LPA: variants seen among roughly 807,000 people sequenced by gnomAD.
The protein encoded by LPA is lipoprotein(a), also known as apolipoprotein(a).
LPA carries 199 observed loss-of-function variants against 197.9 expected under a neutral mutation model. The observed-to-expected ratio is 1.01, with a 90% CI of 0.90 to 1.13. The LOEUF (loss-of-function observed/expected upper bound fraction) is 1.13, where lower values mean the gene tolerates loss of function less well. Among genes scored for constraint, LPA ranks in the 50% most tolerant of loss-of-function variants. The probability of loss-of-function intolerance (pLI) is 0.00; values close to 1 mark genes in which losing one functional copy is unlikely to be tolerated. For synonymous variants in LPA, 715 were observed against 639.5 expected, an observed-to-expected ratio of 1.12 and a Z score of -1.78; for missense variants, 1,853 against 1,785.8, an observed-to-expected ratio of 1.04 and a Z score of -0.68.
chr6:160,559,365 T>G (rs1310721180), intron 28 of LPA, among the ~76,000 whole-genome samples: 1 of 152,254 alleles, frequency 6.6e-6, no homozygotes, highest in Non-Finnish European at 1.5e-5. Flanking sequence ...CAGTGCTGAA[T>G]AGTATTCAAG....
chr6:160,545,237 G>A (rs1388145735), intron 33 of LPA, among the ~76,000 whole-genome samples: 1 of 152,012 alleles, frequency 6.6e-6, no homozygotes, highest in Non-Finnish European at 1.5e-5. Flanking sequence ...GTGGTGGGAG[G>A]GGCGGGTGTT....
chr6:160,608,263 C>T (rs1387214115), intron 16 of LPA, among the ~76,000 whole-genome samples: 3 of 152,114 alleles, frequency 2.0e-5, no homozygotes, highest in Non-Finnish European at 2.9e-5. Flanking sequence ...CCTGCTGATT[C>T]CAAATTCTTA....
At position 160,557,600 on chromosome 6, in the gene LPA, A is replaced by G. The variant is rs779577754; in HGVS notation, c.4632-29T>C. On this transcript the variant is annotated intron_variant, in intron 28 of 38. Coordinates refer to ENST00000316300, the MANE Select transcript of LPA (RefSeq NM_005577.4). Reference sequence around the variant, plus strand: ...CAAATTCCAAAACAACACAGGTCACAAGAGGCGGGAAAAAATTCAGGGGCA... The same window carrying G: ...CAAATTCCAAAACAACACAGGTCACGAGAGGCGGGAAAAAATTCAGGGGCA... The G allele has an allele frequency of 5.6e-6, 9 of 1,611,008 alleles. 1 individual carries two copies. In the Admixed American group the frequency reaches 1.2e-4, roughly 21 times the overall value.
Position 160,601,001 on chromosome 6 carries a change from T to C in LPA, c.3043A>G (p.Thr1015Ala). 6.2e-7 allele frequency: 1 copy of C among 1,614,044 alleles called. No homozygotes were observed. The highest frequency in any genetic ancestry group is 2.2e-5 in the East Asian group (1 of 44,854). The change falls in exon 19 of 39, where the codon ACA becomes GCA. Residue 1015 changes from threonine (T) to alanine (A), a missense_variant. Physicochemically the swap from Thr to Ala is moderately conservative, Grantham distance 58. Coordinates refer to ENST00000316300, the MANE Select transcript of LPA (RefSeq NM_005577.4). Reference sequence around the variant, plus strand: ...GTCCATTCTGCATCTGAGCATCGTGTCAGGTTGCAGTACTCCCACCTGACA... The same window carrying C: ...GTCCATTCTGCATCTGAGCATCGTGCCAGGTTGCAGTACTCCCACCTGACA... ...PSVRWEYCNL[T>A]RCSDAEWTAF...
chr6:160,598,807 G>A (rs1779179818), intron 20 of LPA, among the ~76,000 whole-genome samples: 1 of 152,134 alleles, frequency 6.6e-6, no homozygotes, highest in Admixed American at 6.5e-5. Flanking sequence ...CCATAGATGT[G>A]CAAGTATCAA....
At chr6:160,557,306 G>T (rs1778280229) in intron 29 of LPA, 84 bp downstream of exon 29, 3 of 1,493,312 alleles carry the variant, frequency 2.0e-6, no homozygotes, top group African/African-American at 2.8e-5. Context: ...TGTGTAGCAT[G>T]GAAGGCTTCT....
intron 16 of LPA, among the ~76,000 whole-genome samples, chr6:160,609,968 T>C (rs1779453401): frequency 6.6e-6 from 1 of 152,150 alleles, no homozygotes. Context: ...GTATAATAGT[T>C]CTTTAATTTG....
At position 160,594,101 on chromosome 6, in the gene LPA, G is replaced by T; in HGVS notation, c.3486C>A (p.Ser1162Arg). 3 of 1,613,894 alleles carry T rather than the reference G, an allele frequency of 1.9e-6. No individual in the cohort carries two copies. The highest frequency in any genetic ancestry group is 2.5e-6 in the Non-Finnish European group (3 of 1,179,838). Residue 1162 changes from serine to arginine, a missense_variant, in exon 22 of 39, where the codon AGC becomes AGA. Coordinates refer to ENST00000316300, the MANE Select transcript of LPA (RefSeq NM_005577.4). The stretch of plus-strand genomic sequence containing the variant: ...CATGGTAGCAATCCTGGACCCCGGG[G>T]CTTTGCTCCGTTGGTGCTGAAATTC... ...ASSEEAPTEQ[S>R]PGVQDCYHGD...
Position 160,649,546 on chromosome 6 carries a change from C to T in LPA, c.209+792G>A, listed in dbSNP as rs546029765. 1.4e-4 allele frequency among the ~76,000 whole-genome samples: 22 copies of T among 152,216 alleles called. No homozygotes were observed. The South Asian group carries it at 4.4e-3, about 30-fold the overall frequency. ...AGATGGCTACAGTTTTTTTTGGGCT[C>T]CATCTCCTGCCCTTCAGTGCAGGAA... On this transcript the variant is annotated intron_variant, in intron 2 of 38. Transcript: ENST00000316300.
At chr6:160,578,824 A>G in intron 26 of LPA, 120 bp from the exon 27 acceptor site, 1 of 1,409,574 alleles carries the variant, frequency 7.1e-7, no homozygotes, top group South Asian at 1.2e-5. Flanking sequence ...TTCCCATTAT[A>G]CCACAATAAT....
chr6:160,574,604 C>G (rs1778621708), intron 28 of LPA, among the ~76,000 whole-genome samples: 1 of 152,170 alleles, frequency 6.6e-6, no homozygotes, highest in African/African-American at 2.4e-5. Context: ...CTATATTTTG[C>G]TTGGCTCAGC....
At chr6:160,647,071 G>A (rs1779899597) in intron 2 of LPA, among the ~76,000 whole-genome samples, 1 of 152,184 alleles carries the variant, frequency 6.6e-6, no homozygotes, top group Non-Finnish European at 1.5e-5. Context: ...CTTGCTCCCA[G>A]GCAGAATGCA....
intron 1 of LPA, among the ~76,000 whole-genome samples, 178 bp downstream of exon 1, chr6:160,663,988 C>T (rs879249274): frequency 1.3e-5 from 2 of 152,092 alleles, no homozygotes; most frequent in South Asian, 4.1e-4. Flanking sequence ...CCGTGACAGT[C>T]TTCACGGGGA....
intron 27 of LPA, 118 bp downstream of exon 27, chr6:160,578,405 C>A: frequency 7.8e-7 from 1 of 1,290,156 alleles, no homozygotes; most frequent in Non-Finnish European, 1.1e-6. Context: ...CTGAGGCTTT[C>A]CTCCACATTG....
rs1192865565 is a variant in LPA at position 160,540,146 on chromosome 6, C to T, written c.5632G>A (p.Ala1878Thr). Residue 1878 changes from alanine to threonine, a missense_variant, in exon 36 of 39, where the codon GCA becomes ACA. Around this residue, in one of 3 missense-constraint regions of LPA, gnomAD observed 1,737 missense variants for 1,504.4 expected, o/e 1.15. Transcript: ENST00000316300. ...GATTCGAGGTTCACTTCTTGGTGTG[C>T]ACCCAGGATGACCTTGTAGGATGAA... is the stretch of plus-strand genomic sequence containing the variant. ...RPSSYKVILGAHQEVNLESHV... is the reference protein window; with the variant it reads ...RPSSYKVILGTHQEVNLESHV... 1 of 1,613,994 alleles carries T rather than the reference C, an allele frequency of 6.2e-7. No homozygotes were observed. Among genetic ancestry groups the T allele is most frequent in the African/African-American group, 1.3e-5 (1 of 74,908 alleles).
chr6:160,570,481 G>T (rs1450384939), intron 28 of LPA, among the ~76,000 whole-genome samples: 1 of 152,154 alleles, frequency 6.6e-6, no homozygotes, highest in Non-Finnish European at 1.5e-5. Context: ...ACCGGGGCCT[G>T]TCATGGGATG....
At chr6:160,593,023 A>G (rs901092698) in intron 22 of LPA, among the ~76,000 whole-genome samples, 2 of 152,078 alleles carry the variant, frequency 1.3e-5, no homozygotes, top group African/African-American at 4.8e-5. Context: ...GCAGCTTTGT[A>G]TTTAGCCAAA....
intron 20 of LPA, among the ~76,000 whole-genome samples, chr6:160,597,851 T>C (rs1779162879): frequency 6.6e-6 from 1 of 152,212 alleles, no homozygotes; most frequent in South Asian, 2.1e-4. Flanking sequence ...AAGTTATAAA[T>C]TTAGGACTCA....
chr6:160,656,643 A>T (rs1267690777), intron 1 of LPA, among the ~76,000 whole-genome samples: 1 of 152,188 alleles, frequency 6.6e-6, no homozygotes, highest in Non-Finnish European at 1.5e-5. Context: ...TTACCCTGGT[A>T]AAAGGCCAGA....
Sources: allele counts gnomAD v4.1 joint callset (sites outside exome capture counted in the v4.1 genomes callset), GRCh38; gene constraint gnomAD v4.1.1; regional missense constraint gnomAD v4.1.1; transcripts MANE v1.5; gene names NCBI Gene and HGNC (gene_info 2026-07-23, HGNC 2026-07-21).